The following CCDC181 variants were observed in gnomAD, a reference collection of about 807,000 sequenced individuals.
The protein encoded by CCDC181 is coiled-coil domain-containing protein 181.
CCDC181 carries 35 observed loss-of-function variants against 58.7 expected under a neutral mutation model. That is an observed-to-expected ratio of 0.60 (90% CI 0.46 to 0.79). The LOEUF (loss-of-function observed/expected upper bound fraction) is 0.79, where lower values mean the gene tolerates loss of function less well. Ranked by LOEUF, CCDC181 falls within the 30% of genes least tolerant of loss-of-function variation. The probability of loss-of-function intolerance (pLI) is 0.00; values close to 1 mark genes in which losing one functional copy is unlikely to be tolerated. For synonymous variants in CCDC181, 183 were observed against 197.5 expected, an observed-to-expected ratio of 0.93 and a Z score of 0.62; for missense variants, 517 against 583.9, an observed-to-expected ratio of 0.89 and a Z score of 1.18.
intron 4 of CCDC181, among the ~76,000 whole-genome samples, chr1:169,400,247 C>T (rs1655263009): frequency 6.6e-6 from 1 of 152,090 alleles, no homozygotes; most frequent in Non-Finnish European, 1.5e-5. Flanking sequence ...GAGTAAGGAC[C>T]ATGCTCTAGG....
intron 2 of CCDC181, among the ~76,000 whole-genome samples, chr1:169,437,554 A>G (rs1264378444): frequency 2.6e-5 from 4 of 152,182 alleles, no homozygotes; most frequent in Non-Finnish European, 5.9e-5. Flanking sequence ...CAATTTTGCA[A>G]TGGCAGTTTC....
chr1:169,396,867 T>A (rs1655062795), intron 5 of CCDC181, among the ~76,000 whole-genome samples: 1 of 152,186 alleles, frequency 6.6e-6, no homozygotes, highest in Admixed American at 6.5e-5. Flanking sequence ...ATTTGTAAAT[T>A]CAGTTTTTCT....
rs572688597 is a variant in CCDC181 at position 169,448,983 on chromosome 1, A to G, written c.-24+10814T>C. Among the ~76,000 whole-genome samples the G allele has an allele frequency of 3.9e-5, 6 of 152,150 alleles. No homozygotes were observed. In the East Asian group the frequency reaches 5.8e-4, roughly 15 times the overall value. On this transcript the variant is annotated intron_variant, in intron 2 of 6. Transcript: ENST00000545005. ...CAAAGGCATTCTTCACATTTAAGAT[A>G]GTGTCTCTGATTTTTAGCATTTCCC...
At chr1:169,398,847 T>C (rs938906325) in intron 4 of CCDC181, among the ~76,000 whole-genome samples, 3 of 152,214 alleles carry the variant, frequency 2.0e-5, no homozygotes, top group African/African-American at 7.2e-5. Flanking sequence ...AAAGAAAATA[T>C]GGGAAGGAGG....
intron 2 of CCDC181, among the ~76,000 whole-genome samples, chr1:169,446,211 C>T (rs903827961): frequency 1.1e-4 from 16 of 152,086 alleles, no homozygotes; most frequent in Admixed American, 4.6e-4. Context: ...TTTGGGAGGC[C>T]GAGGCAGGCG....
upstream of CCDC181, among the ~76,000 whole-genome samples, chr1:169,431,057 T>C (rs371029589): frequency 6.6e-6 from 1 of 152,322 alleles, no homozygotes; most frequent in East Asian, 1.9e-4. Flanking sequence ...TCTGGTCCTT[T>C]TGTTACTTAA....
At chr1:169,402,053 T>C (rs1488888956) in intron 4 of CCDC181, among the ~76,000 whole-genome samples, 1 of 152,154 alleles carries the variant, frequency 6.6e-6, no homozygotes, top group East Asian at 1.9e-4. Context: ...AGAAAGGGTA[T>C]CTGTGATTGA....
intron 2 of CCDC181, among the ~76,000 whole-genome samples, chr1:169,438,066 G>C (rs184567963): frequency 6.6e-6 from 1 of 152,182 alleles, no homozygotes; most frequent in African/African-American, 2.4e-5. Context: ...TGCCAGGCTG[G>C]CTTGAAAAGC....
In CCDC181 at chr1:169,434,918, C is replaced by T. The variant is rs575992482; in HGVS notation, c.-23-9968G>A. Among the ~76,000 whole-genome samples the T allele has an allele frequency of 7.2e-5, 11 of 152,100 alleles. No homozygotes were observed. The South Asian group carries it at 1.2e-3, about 17-fold the overall frequency. On this transcript the variant is annotated intron_variant, in intron 2 of 6. Transcript: ENST00000545005. ...AAATCTTAGAGACAGAAAGTAGAAT[C>T]GTGTTTTCCAGAGCCTGTTAAGGCA...
intron 5 of CCDC181, chr1:169,396,282 G>A (rs1001005124): frequency 6.6e-6 from 1 of 152,146 alleles, no homozygotes; most frequent in Non-Finnish European, 1.5e-5. Context: ...GGCTGGGCAT[G>A]GTGGCTCATG....
intron 4 of CCDC181, among the ~76,000 whole-genome samples, chr1:169,411,541 G>A (rs1272711149): frequency 1.3e-5 from 2 of 152,112 alleles, no homozygotes; most frequent in Non-Finnish European, 2.9e-5. Context: ...TATTTTATGA[G>A]GCCAGCATCA....
At chr1:169,439,755 G>A (rs114311774) in intron 2 of CCDC181, among the ~76,000 whole-genome samples, 2 of 152,132 alleles carry the variant, frequency 1.3e-5, no homozygotes, top group Non-Finnish European at 1.5e-5. Flanking sequence ...TTAAAGGATG[G>A]TGAATGCAGG....
At chr1:169,414,278 A>G (rs1481150825) in intron 4 of CCDC181, among the ~76,000 whole-genome samples, 2 of 152,244 alleles carry the variant, frequency 1.3e-5, no homozygotes, top group African/African-American at 4.8e-5. Flanking sequence ...AGGAAGACAT[A>G]AAGTCCTAAA....
At chr1:169,447,025 C>T (rs1022702624) in intron 2 of CCDC181, among the ~76,000 whole-genome samples, 5 of 152,122 alleles carry the variant, frequency 3.3e-5, no homozygotes, top group East Asian at 3.8e-4. Flanking sequence ...TGGAGACTTT[C>T]GAGCAATCTT....
At chr1:169,453,098 G>T (rs1453262556) in intron 2 of CCDC181, among the ~76,000 whole-genome samples, 3 of 151,278 alleles carry the variant, frequency 2.0e-5, no homozygotes, top group Non-Finnish European at 3.0e-5. Context: ...AAAAAGAAAC[G>T]CTATGAGATA....
In CCDC181 at chr1:169,442,119, A is replaced by G. The variant is rs16862176; in HGVS notation, c.-23-17169T>C. On this transcript the variant is annotated intron_variant, in intron 2 of 6. Coordinates refer to the CCDC181 transcript ENST00000545005. ...CCAAGAAGAAAATTTAAATAAGTTG[A>G]GTGCCAGGAATTGAGAACATGTGAC... Among the ~76,000 whole-genome samples the G allele has an allele frequency of 0.055, 8,404 of 152,134 alleles. 1,394 individuals are homozygous for G. The East Asian group carries it at 0.67, about 12-fold the overall frequency.
At position 169,400,443 on chromosome 1, in the gene CCDC181, A is replaced by G. The variant is rs569988055; in HGVS notation, c.1216-3052T>C. Among the ~76,000 whole-genome samples, 15 of 152,296 alleles carry G rather than the reference A, an allele frequency of 9.8e-5. 1 individual carries two copies. In the South Asian group the frequency reaches 1.5e-3, roughly 15 times the overall value. On this transcript the variant is annotated intron_variant, in intron 4 of 5. Transcript: ENST00000367806. ...GAAAAGATCCACAGTCTATTAACCAATTTAAAAAAAATCACTGGATATCTA... is the reference window on the plus strand; with the variant it reads ...GAAAAGATCCACAGTCTATTAACCAGTTTAAAAAAAATCACTGGATATCTA...
chr1:169,429,377 C>T (rs192749201), upstream of CCDC181, among the ~76,000 whole-genome samples: 1 of 152,328 alleles, frequency 6.6e-6, no homozygotes, highest in East Asian at 1.9e-4. Flanking sequence ...AGAATCTCCA[C>T]ACTGTTTTCC....
At chr1:169,420,106 A>G (rs568469853) in intron 3 of CCDC181, among the ~76,000 whole-genome samples, 4 of 152,382 alleles carry the variant, frequency 2.6e-5, no homozygotes, top group African/African-American at 9.6e-5. Flanking sequence ...TCAGTTCATT[A>G]ATAAAAAGGC....
Sources: gnomAD v4.1 joint callset for allele counts (sites outside exome capture counted in the v4.1 genomes callset) on GRCh38, gnomAD v4.1.1 for gene constraint, MANE v1.5 for transcripts, NCBI Gene and HGNC (gene_info 2026-07-23, HGNC 2026-07-21) for gene names.